Variants in DNAAF9 observed in about 807,000 individuals in gnomAD.
The protein encoded by DNAAF9 is shulin.
A neutral mutation model predicts 167.0 loss-of-function variants in DNAAF9; 90 were observed. That is an observed-to-expected ratio of 0.54 (90% CI 0.45 to 0.64). The LOEUF (loss-of-function observed/expected upper bound fraction) is 0.64. Ranked by LOEUF, DNAAF9 falls within the 30% of genes least tolerant of loss-of-function variation. The probability of loss-of-function intolerance (pLI) is 0.00; values close to 1 mark genes in which losing one functional copy is unlikely to be tolerated. For missense variants in DNAAF9, 1,315 were observed against 1,442.2 expected (o/e 0.91, Z 1.43); for synonymous variants, 491 against 508.8 (o/e 0.96, Z 0.47).
intron 22 of DNAAF9, among the ~76,000 whole-genome samples, chr20:3,297,204 G>A (rs2236105): frequency 0.045 from 6,850 of 152,150 alleles, 438 homozygotes; most frequent in East Asian, 0.16. Context: ...AAAGGGGTCG[G>A]GTAACACTGT....
chr20:3,330,196 A>T (rs538298785), intron 12 of DNAAF9, among the ~76,000 whole-genome samples: 3 of 152,328 alleles, frequency 2.0e-5, no homozygotes, highest in African/African-American at 7.2e-5. Flanking sequence ...CCAAGCTGAG[A>T]GAAACTTGGG....
intron 3 of DNAAF9, among the ~76,000 whole-genome samples, chr20:3,377,605 G>A (rs979442831): frequency 6.6e-6 from 1 of 151,922 alleles, no homozygotes; most frequent in Non-Finnish European, 1.5e-5. Context: ...CTACAGGTGA[G>A]CGCCACCATG....
intron 1 of DNAAF9, among the ~76,000 whole-genome samples, chr20:3,396,777 A>G (rs1404349015): frequency 2.0e-5 from 3 of 152,108 alleles, no homozygotes; most frequent in African/African-American, 4.8e-5. Context: ...AAAAAAAACT[A>G]TGTGTGTAGG....
chr20:3,271,622 C>T (rs1568570102), intron 29 of DNAAF9, among the ~76,000 whole-genome samples: 1 of 96,708 alleles, frequency 1.0e-5, no homozygotes, highest in East Asian at 2.9e-4. Flanking sequence ...TTATTTACTT[C>T]TTCTTTTTTT....
chr20:3,284,379 C>A (rs1386392660), intron 27 of DNAAF9, among the ~76,000 whole-genome samples: 5 of 151,934 alleles, frequency 3.3e-5, no homozygotes, highest in African/African-American at 1.2e-4. Context: ...ACAGGGTTTC[C>A]TCATGTTGCT....
chr20:3,359,323 G>C (rs1159590086), intron 7 of DNAAF9, among the ~76,000 whole-genome samples, 193 bp downstream of exon 7: 1 of 152,226 alleles, frequency 6.6e-6, no homozygotes, highest in Non-Finnish European at 1.5e-5. Context: ...GAGTGGAAGA[G>C]GGAGCAGTGT....
At chr20:3,399,935 C>T (rs1024159676) in intron 1 of DNAAF9, among the ~76,000 whole-genome samples, 4 of 151,450 alleles carry the variant, frequency 2.6e-5, no homozygotes, top group Non-Finnish European at 5.9e-5. Flanking sequence ...ATGGTTAAAA[C>T]TCATGTCCGA....
At chr20:3,326,938 AAT>A (rs969195431) in intron 12 of DNAAF9, among the ~76,000 whole-genome samples, 1 of 152,094 alleles carries the variant, frequency 6.6e-6, no homozygotes, top group Non-Finnish European at 1.5e-5. Context: ...ACAGAGCAGG[AAT>A]TCCTTCAGTG....
intron 1 of DNAAF9, among the ~76,000 whole-genome samples, chr20:3,391,016 G>A (rs2083819117): frequency 1.3e-5 from 2 of 151,940 alleles, no homozygotes; most frequent in Non-Finnish European, 2.9e-5. Context: ...AGGTGACCAA[G>A]AAAAAAACAG....
intron 1 of DNAAF9, among the ~76,000 whole-genome samples, chr20:3,391,713 T>C (rs1367721449): frequency 2.0e-5 from 3 of 151,776 alleles, no homozygotes; most frequent in Non-Finnish European, 2.9e-5. Context: ...CCTGAGTAGC[T>C]AGGATTACAG....
intron 6 of DNAAF9, among the ~76,000 whole-genome samples, chr20:3,369,686 C>T (rs779180361): frequency 6.6e-6 from 1 of 152,136 alleles, no homozygotes; most frequent in Non-Finnish European, 1.5e-5. Context: ...CTAAAGTTAA[C>T]TTTAAAGGTT....
At chr20:3,308,428 C>T (rs1022069582) in intron 20 of DNAAF9, among the ~76,000 whole-genome samples, 4 of 150,848 alleles carry the variant, frequency 2.7e-5, no homozygotes, top group East Asian at 2.0e-4. Flanking sequence ...CTGCAATCTC[C>T]GCCTCCCAGG....
intron 33 of DNAAF9, among the ~76,000 whole-genome samples, chr20:3,258,787 T>A (rs545173850): frequency 6.6e-6 from 1 of 152,230 alleles, no homozygotes; most frequent in Admixed American, 6.5e-5. Context: ...GAGTGGGGGT[T>A]CTCTGTGATA....
intron 20 of DNAAF9, among the ~76,000 whole-genome samples, chr20:3,313,122 GGATGACACAGCACAAACCACCTCT>G (rs1157443109): frequency 6.6e-6 from 1 of 152,222 alleles, no homozygotes; most frequent in Non-Finnish European, 1.5e-5. Flanking sequence ...ATTGGCTCAA[GGATGACACAGCACAAACCACCTCT>G]GTGTTGTGCC....
In DNAAF9 at chr20:3,278,903, A is replaced by G. The variant is rs757508507; in HGVS notation, c.2650+9T>C. On this transcript the variant is annotated intron_variant, in intron 29 of 36. Transcript: ENST00000252032. ...GGCATGCAGGCTGAAAATAAAGTAT[A>G]TTACTTACCTTGTGAACACTGGTCA... 6.3e-7 allele frequency: 1 copy of G among 1,581,490 alleles called. No homozygotes were observed. The highest frequency in any genetic ancestry group is 8.7e-7 in the Non-Finnish European group (1 of 1,150,204).
chr20:3,392,479 A>G (rs2083840317), intron 1 of DNAAF9, among the ~76,000 whole-genome samples: 1 of 152,248 alleles, frequency 6.6e-6, no homozygotes. Flanking sequence ...AAAGCTAAGT[A>G]AAGATTAACA....
At chr20:3,306,157 T>TAG (rs1302032446) in intron 20 of DNAAF9, among the ~76,000 whole-genome samples, 14 of 151,320 alleles carry the variant, frequency 9.3e-5, no homozygotes, top group African/African-American at 3.4e-4. Flanking sequence ...CATTCCTTCT[T>TAG]AGAGCAGTAA....
chr20:3,264,354 C>A, intron 31 of DNAAF9, 84 bp downstream of exon 31: 1 of 745,992 alleles, frequency 1.3e-6, no homozygotes, highest in Non-Finnish European at 2.4e-6. Flanking sequence ...GTATTTTCAC[C>A]TTCTCTCTTT....
Position 3,298,183 on chromosome 20 carries a change from G to T in DNAAF9, c.1783-8C>A. 6.2e-7 allele frequency: 1 copy of T among 1,609,550 alleles called. No individual in the cohort carries two copies. ...AACAGTACTGGTGGAATCCTAAAGC[G>T]AAAAGGAGGGAGCATCAGCAAGAAG... On this transcript the variant is annotated splice_region_variant and splice_polypyrimidine_tract_variant and intron_variant, in intron 21 of 36. Transcript: ENST00000252032.
Sources: gnomAD v4.1 joint callset for allele counts (sites outside exome capture counted in the v4.1 genomes callset) on GRCh38, gnomAD v4.1.1 for gene constraint, MANE v1.5 for transcripts, NCBI Gene and HGNC (gene_info 2026-07-23, HGNC 2026-07-21) for gene names.